NPIPB2: variants seen among roughly 807,000 people sequenced by gnomAD.
The protein encoded by NPIPB2 is nuclear pore complex-interacting protein family member B2.
In NPIPB2, 27 loss-of-function variants were observed where a neutral mutation model predicts 30.8. That is an observed-to-expected ratio of 0.88 (90% CI 0.65 to 1.21). The LOEUF (loss-of-function observed/expected upper bound fraction) is 1.21, where lower values mean the gene tolerates loss of function less well. Among genes scored for constraint, NPIPB2 ranks in the 50% most tolerant of loss-of-function variants. The pLI is 0.00. For synonymous variants in NPIPB2, 147 were observed against 162.0 expected (o/e 0.91, Z 0.70); for missense variants, 440 against 446.2 (o/e 0.99, Z 0.13).
At chr16:11,963,534 T>G (rs1275214597) in intron 1 of NPIPB2, among the ~76,000 whole-genome samples, 5 of 152,146 alleles carry the variant, frequency 3.3e-5, no homozygotes, top group African/African-American at 1.2e-4. Flanking sequence ...ACAACAAATA[T>G]CAATGTATCC....
At chr16:11,948,201 G>A (rs1010261448) in intron 1 of NPIPB2, among the ~76,000 whole-genome samples, 6 of 151,700 alleles carry the variant, frequency 4.0e-5, no homozygotes, top group East Asian at 3.9e-4. Flanking sequence ...GTGCCAAAAC[G>A]GGGGAAGTTC....
intron 1 of NPIPB2, among the ~76,000 whole-genome samples, chr16:11,962,675 G>T (rs1183833272): frequency 6.6e-6 from 1 of 150,814 alleles, no homozygotes; most frequent in East Asian, 1.9e-4. Flanking sequence ...CCTCTGGCAA[G>T]AGAGAGGAAA....
intron 2 of NPIPB2, among the ~76,000 whole-genome samples, chr16:11,934,857 C>CAAA (rs200493261): frequency 4.1e-5 from 4 of 97,652 alleles, no homozygotes; most frequent in Admixed American, 1.1e-4. Context: ...GACTCTGTCT[C>CAAA]AAAAAAAAAA....
At chr16:11,969,272 T>A (rs368505966) in intron 1 of NPIPB2, among the ~76,000 whole-genome samples, 3 of 152,160 alleles carry the variant, frequency 2.0e-5, no homozygotes, top group Admixed American at 1.3e-4. Context: ...TATTTATTTA[T>A]TTTTTGAGAC....
chr16:11,960,055 G>GT (rs1304800131), intron 1 of NPIPB2, among the ~76,000 whole-genome samples: 58 of 152,318 alleles, frequency 3.8e-4, no homozygotes, highest in African/African-American at 1.3e-3. Flanking sequence ...CATTACAGGT[G>GT]TGAGCCACCG....
chr16:11,938,362 A>T (rs1252289227), intron 1 of NPIPB2, among the ~76,000 whole-genome samples: 1 of 150,096 alleles, frequency 6.7e-6, no homozygotes, highest in Non-Finnish European at 1.5e-5. Context: ...ATGGGGTCTC[A>T]CTCTGTCACC....
chr16:11,952,462 T>C (rs1052444613), intron 1 of NPIPB2, among the ~76,000 whole-genome samples: 10 of 152,158 alleles, frequency 6.6e-5, no homozygotes, highest in Non-Finnish European at 8.8e-5. Context: ...GTCATGTACA[T>C]GATATTTACA....
At chr16:11,971,768 T>A (rs1405160855) in intron 1 of NPIPB2, among the ~76,000 whole-genome samples, 1 of 152,108 alleles carries the variant, frequency 6.6e-6, no homozygotes, top group African/African-American at 2.4e-5. Context: ...GTGCTGGGAT[T>A]ACAGGTGCGA....
intron 1 of NPIPB2, among the ~76,000 whole-genome samples, chr16:11,947,436 C>T (rs1462211125): frequency 6.6e-6 from 1 of 151,326 alleles, no homozygotes; most frequent in African/African-American, 2.4e-5. Context: ...GCTCCACCTC[C>T]CAGGTTCACG....
chr16:11,975,397 TC>T (rs2055276982), intron 1 of NPIPB2, among the ~76,000 whole-genome samples: 2 of 151,324 alleles, frequency 1.3e-5, no homozygotes, highest in East Asian at 2.0e-4. Flanking sequence ...TCCGCCCGCC[TC>T]GGCCTCCCAA....
chr16:11,975,368 C>G (rs1038405766), intron 1 of NPIPB2, among the ~76,000 whole-genome samples: 3 of 149,630 alleles, frequency 2.0e-5, no homozygotes, highest in East Asian at 2.0e-4. Flanking sequence ...GGGATGGTCT[C>G]GATCTCCTGA....
At chr16:11,963,003 G>A (rs1230318189) in intron 1 of NPIPB2, among the ~76,000 whole-genome samples, 1 of 152,136 alleles carries the variant, frequency 6.6e-6, no homozygotes, top group African/African-American at 2.4e-5. Flanking sequence ...GGAGGCAGAG[G>A]TTGCAGATCG....
At chr16:11,968,102 A>G (rs1291950345) in intron 1 of NPIPB2, 3 of 458,238 alleles carry the variant, frequency 6.5e-6, no homozygotes, top group Non-Finnish European at 1.2e-5. Context: ...GTTTTTAAAA[A>G]CAAGCATGTA....
intron 4 of NPIPB2, among the ~76,000 whole-genome samples, chr16:11,932,937 G>A (rs1234759815): frequency 6.7e-6 from 1 of 149,434 alleles, no homozygotes; most frequent in East Asian, 2.0e-4. Flanking sequence ...CAGCCTGGGC[G>A]ACAGAGCGAG....
At chr16:11,969,516 A>G (rs11570169) in intron 1 of NPIPB2, among the ~76,000 whole-genome samples, 2,897 of 152,302 alleles carry the variant, frequency 0.019, 45 homozygotes, top group Non-Finnish European at 0.031. Flanking sequence ...TGGCCTCCCA[A>G]TGTGCTGGGA....
chr16:11,952,164 C>CAA (rs2055072468), intron 1 of NPIPB2, among the ~76,000 whole-genome samples: 1 of 53,950 alleles, frequency 1.9e-5, no homozygotes, highest in Non-Finnish European at 3.6e-5. Context: ...AAAAAAAAAA[C>CAA]AAAAACAAAA....
chr16:11,953,739 G>T (rs1333806203), intron 1 of NPIPB2, among the ~76,000 whole-genome samples: 4 of 139,050 alleles, frequency 2.9e-5, no homozygotes, highest in African/African-American at 5.5e-5. Flanking sequence ...TTTTTGAGAC[G>T]GAGCCTTTCT....
At position 11,927,427 on chromosome 16, in the gene NPIPB2, C is replaced by T. The variant is rs60168629; in HGVS notation, c.1140G>A (p.Glu380=). Residue 380 remains glutamate (E), a synonymous_variant, in exon 8 of 8, where the codon GAG becomes GAA. Transcript: ENST00000399147. Reference sequence around the variant, plus strand: ...GCTTACTCAACCTCCGCCTCTTGGGCTCGGGTGATGATGGTTCCACCTCAG... The same window carrying T: ...GCTTACTCAACCTCCGCCTCTTGGGTTCGGGTGATGATGGTTCCACCTCAG... 5,061 of 1,149,152 alleles carry T rather than the reference C, an allele frequency of 4.4e-3. 50 individuals carry two copies. Among genetic ancestry groups the T allele is most frequent in the South Asian group, 0.01 (758 of 74,044 alleles). The allele number at this position is 1,149,152 out of a possible 1,614,324, so 71.2% of individuals were successfully genotyped here.
chr16:11,951,389 G>C (rs12928141), intron 1 of NPIPB2, among the ~76,000 whole-genome samples: 27,601 of 145,722 alleles, frequency 0.19, 5,132 homozygotes, highest in African/African-American at 0.48. Context: ...GCGTGAACCT[G>C]GGAAGCGGAG....
Sources: gnomAD v4.1 joint callset for allele counts (sites outside exome capture counted in the v4.1 genomes callset) on GRCh38, gnomAD v4.1.1 for gene constraint, MANE v1.5 for transcripts, NCBI Gene and HGNC (gene_info 2026-07-23, HGNC 2026-07-21) for gene names.